Variants in CDH13 observed in about 807,000 individuals in gnomAD.
CDH13 encodes cadherin-13.
In CDH13, 24 loss-of-function variants were observed where a neutral mutation model predicts 63.8. The ratio of observed to expected loss-of-function variants is 0.38; its 90% CI spans 0.27 to 0.53. The LOEUF is 0.53. Ranked by LOEUF, CDH13 falls within the 20% of genes least tolerant of loss-of-function variation. The pLI, the probability that CDH13 is intolerant of heterozygous loss-of-function variation, is 0.85. For missense variants in CDH13, 1,049 were observed against 903.1 expected (o/e 1.16, Z -2.07); for synonymous variants, 503 against 355.3 (o/e 1.42, Z -4.67).
intron 6 of CDH13, among the ~76,000 whole-genome samples, chr16:83,479,155 A>T (rs1425694184): frequency 6.6e-6 from 1 of 152,234 alleles, no homozygotes; most frequent in African/African-American, 2.4e-5. Flanking sequence ...ACTCAACAGA[A>T]GTATCTAGGC....
intron 7 of CDH13, among the ~76,000 whole-genome samples, chr16:83,581,378 A>G (rs558965999): frequency 6.6e-6 from 1 of 152,346 alleles, no homozygotes; most frequent in Non-Finnish European, 1.5e-5. Flanking sequence ...TTTCAGACTT[A>G]AATATTCTTC....
chr16:82,989,027 G>A (rs1347780998), intron 2 of CDH13, among the ~76,000 whole-genome samples: 2 of 152,176 alleles, frequency 1.3e-5, no homozygotes, highest in African/African-American at 4.8e-5. Flanking sequence ...ATTAAAGGAT[G>A]AAAGAGTGAA....
intron 2 of CDH13, among the ~76,000 whole-genome samples, chr16:82,927,468 C>G (rs867018181): frequency 3.3e-5 from 5 of 152,080 alleles, no homozygotes; most frequent in African/African-American, 1.2e-4. Context: ...ATAAGGATAC[C>G]TCACGTGAGT....
intron 7 of CDH13, among the ~76,000 whole-genome samples, chr16:83,539,083 C>T (rs893502145): frequency 6.6e-6 from 1 of 152,090 alleles, no homozygotes; most frequent in Non-Finnish European, 1.5e-5. Context: ...TTTAAAGGAA[C>T]TCATACTAAC....
intron 13 of CDH13, among the ~76,000 whole-genome samples, chr16:83,789,155 A>G (rs997186150): frequency 6.6e-6 from 1 of 152,188 alleles, no homozygotes; most frequent in African/African-American, 2.4e-5. Context: ...GGTAGCAGGA[A>G]CAGGTAACCA....
chr16:83,162,981 A>T (rs1018192969), intron 4 of CDH13, among the ~76,000 whole-genome samples: 1 of 152,086 alleles, frequency 6.6e-6, no homozygotes. Context: ...AACCCCCACA[A>T]TTCCCATGTG....
chr16:83,651,833 G>C (rs1294430601), intron 8 of CDH13, among the ~76,000 whole-genome samples: 1 of 152,030 alleles, frequency 6.6e-6, no homozygotes. Context: ...GACCTCAGGT[G>C]ATCTGCCTGC....
At chr16:83,646,685 T>G (rs959061494) in intron 8 of CDH13, among the ~76,000 whole-genome samples, 2 of 72,550 alleles carry the variant, frequency 2.8e-5, no homozygotes, top group Non-Finnish European at 5.2e-5. Context: ...AGAGCAAGAC[T>G]CCGTCTCAAA....
intron 13 of CDH13, among the ~76,000 whole-genome samples, chr16:83,791,529 C>T (rs1916262343): frequency 6.6e-6 from 1 of 151,516 alleles, no homozygotes. Context: ...ATATGCATGC[C>T]TGGCTGGGTG....
chr16:83,780,955 A>G (rs549456897), intron 12 of CDH13, among the ~76,000 whole-genome samples: 2 of 152,252 alleles, frequency 1.3e-5, no homozygotes, highest in African/African-American at 4.8e-5. Flanking sequence ...GAGAAGTGCT[A>G]GGATAAGAAT....
chr16:82,980,987 A>C (rs1165119615), intron 2 of CDH13, among the ~76,000 whole-genome samples: 2 of 152,072 alleles, frequency 1.3e-5, no homozygotes, highest in African/African-American at 4.8e-5. Flanking sequence ...CTTTTTTCTC[A>C]TCCCCTAAAT....
At chr16:82,928,819 G>A (rs1382187001) in intron 2 of CDH13, among the ~76,000 whole-genome samples, 1 of 152,142 alleles carries the variant, frequency 6.6e-6, no homozygotes, top group African/African-American at 2.4e-5. Flanking sequence ...TGGAGATTGG[G>A]GTGACCAGTG....
At chr16:82,645,896 G>A (rs1373463705) in intron 1 of CDH13, among the ~76,000 whole-genome samples, 1 of 152,238 alleles carries the variant, frequency 6.6e-6, no homozygotes, top group Non-Finnish European at 1.5e-5. Flanking sequence ...GCAAAGAAAT[G>A]TGAAGACGAG....
At chr16:82,875,520 G>A (rs1446610004) in intron 2 of CDH13, among the ~76,000 whole-genome samples, 1 of 152,148 alleles carries the variant, frequency 6.6e-6, no homozygotes, top group African/African-American at 2.4e-5. Flanking sequence ...ATAGAATTAG[G>A]ACAGTGCTTT....
At chr16:83,011,838 TCTTTGCTGGATCTAC>T (rs1462498443) in intron 2 of CDH13, among the ~76,000 whole-genome samples, 1 of 152,228 alleles carries the variant, frequency 6.6e-6, no homozygotes, top group Non-Finnish European at 1.5e-5. Context: ...AGGGTCTTGC[TCTTTGCTGGATCTAC>T]CTTTCTTTCT....
chr16:83,621,648 G>A (rs1051770478), intron 8 of CDH13, among the ~76,000 whole-genome samples: 3 of 151,374 alleles, frequency 2.0e-5, no homozygotes, highest in Non-Finnish European at 2.9e-5. Context: ...CACCATACCC[G>A]GCTAATTTTT....
chr16:82,952,376 T>G (rs1420516301), intron 2 of CDH13, among the ~76,000 whole-genome samples: 1 of 152,188 alleles, frequency 6.6e-6, no homozygotes, highest in Non-Finnish European at 1.5e-5. Context: ...AGACAACACT[T>G]GGAAAGTAAT....
chr16:82,874,694 C>T (rs1045214583), intron 2 of CDH13, among the ~76,000 whole-genome samples: 4 of 152,126 alleles, frequency 2.6e-5, no homozygotes, highest in African/African-American at 4.8e-5. Context: ...ATAAGCAGTG[C>T]TTGAAAAACA....
chr16:83,549,117 G>C (rs569642749), intron 7 of CDH13, among the ~76,000 whole-genome samples: 1 of 152,138 alleles, frequency 6.6e-6, no homozygotes, highest in Non-Finnish European at 1.5e-5. Context: ...TGAGAGCCAC[G>C]CTGAATCTCG....
Sources: allele counts gnomAD v4.1 joint callset (sites outside exome capture counted in the v4.1 genomes callset), GRCh38; gene constraint gnomAD v4.1.1; transcripts MANE v1.5; gene names NCBI Gene and HGNC (gene_info 2026-07-23, HGNC 2026-07-21).